The following PDE5A variants were observed in gnomAD, a reference collection of about 807,000 sequenced individuals.
PDE5A encodes phosphodiesterase 5A, also known as cGMP-specific 3',5'-cyclic phosphodiesterase.
In PDE5A, 67 loss-of-function variants were observed where a neutral mutation model predicts 110.2. The observed-to-expected ratio is 0.61, with a 90% CI of 0.50 to 0.75. The LOEUF (loss-of-function observed/expected upper bound fraction) is 0.75. Among genes scored for constraint, PDE5A ranks in the 30% least tolerant of loss-of-function variants. The pLI is 0.00. For missense variants in PDE5A, 862 were observed against 1,045.1 expected, an observed-to-expected ratio of 0.82 and a Z score of 2.42; for synonymous variants, 328 against 351.2, an observed-to-expected ratio of 0.93 and a Z score of 0.74.
chr4:119,605,154 T>A (rs1476691395), intron 2 of PDE5A, among the ~76,000 whole-genome samples: 1 of 152,184 alleles, frequency 6.6e-6, no homozygotes, highest in Non-Finnish European at 1.5e-5. Flanking sequence ...TTCCTCAGCC[T>A]GGCATTCAAG....
At position 119,565,290 on chromosome 4, in the gene PDE5A, T is replaced by C. The variant is rs28626938; in HGVS notation, c.993+31A>G. The C allele has an allele frequency of 4.6e-3, 6,512 of 1,425,470 alleles. 225 individuals are homozygous for C. The African/African-American group carries it at 0.079, about 17-fold the overall frequency. 88.3% of individuals were successfully genotyped at this position (1,425,470 alleles called of 1,614,324 possible). On this transcript the variant is annotated intron_variant, in intron 5 of 20. Coordinates refer to ENST00000354960, the MANE Select transcript of PDE5A (RefSeq NM_001083.4). The stretch of plus-strand genomic sequence containing the variant: ...AATGTAACAATTTTTAAAAAGTATT[T>C]CTATGCACTTTCTTTAGTAATCAGA...
chr4:119,612,917 C>G (rs997207221), intron 1 of PDE5A, among the ~76,000 whole-genome samples: 2 of 152,218 alleles, frequency 1.3e-5, no homozygotes. Context: ...CACAAAGCCA[C>G]TGACAATTAA....
intron 9 of PDE5A, chr4:119,543,071 C>CACAT (rs1258015667): frequency 1.1e-4 from 17 of 156,498 alleles, no homozygotes; most frequent in African/African-American, 3.7e-4. Flanking sequence ...CACACACACA[C>CACAT]ACACACACAC....
At chr4:119,623,615 A>C (rs1730238454) in intron 1 of PDE5A, among the ~76,000 whole-genome samples, 1 of 152,248 alleles carries the variant, frequency 6.6e-6, no homozygotes, top group Non-Finnish European at 1.5e-5. Context: ...AATATTTCAA[A>C]AGAAATAATA....
chr4:119,527,937 C>T (rs1726385988), intron 11 of PDE5A, among the ~76,000 whole-genome samples: 1 of 151,922 alleles, frequency 6.6e-6, no homozygotes, highest in African/African-American at 2.4e-5. Flanking sequence ...TATGAGAGCA[C>T]AATGTCTCTG....
At chr4:119,593,756 T>C (rs922760908) in intron 3 of PDE5A, among the ~76,000 whole-genome samples, 8 of 152,242 alleles carry the variant, frequency 5.3e-5, no homozygotes, top group Non-Finnish European at 1.0e-4. Flanking sequence ...GTTCTCACAC[T>C]GTTCTGAAGA....
chr4:119,592,009 G>A (rs189485573), intron 3 of PDE5A, among the ~76,000 whole-genome samples: 161 of 151,520 alleles, frequency 1.1e-3, no homozygotes, highest in Middle Eastern at 6.9e-3. Context: ...AATTAGCTGG[G>A]TGTGGTGGCG....
intron 3 of PDE5A, among the ~76,000 whole-genome samples, chr4:119,568,227 T>C (rs185425551): frequency 1.4e-4 from 22 of 152,222 alleles, no homozygotes; most frequent in Admixed American, 1.4e-3. Flanking sequence ...TTCATTTCCC[T>C]TAGAGCAACT....
chr4:119,596,805 C>G (rs1484749664), intron 2 of PDE5A, among the ~76,000 whole-genome samples, 193 bp from the exon 3 acceptor site: 2 of 151,942 alleles, frequency 1.3e-5, no homozygotes, highest in African/African-American at 4.8e-5. Flanking sequence ...AGTTGCTGAG[C>G]TTTTTTATAA....
At chr4:119,552,763 T>C (rs995119573) in intron 8 of PDE5A, 126 bp from the exon 9 acceptor site, 2 of 468,940 alleles carry the variant, frequency 4.3e-6, no homozygotes. Flanking sequence ...TTAGAGAGCA[T>C]TGGAAAGCAG....
Position 119,538,993 on chromosome 4 carries a change from T to A in PDE5A, c.1599A>T (p.Ala533=). 6.2e-7 allele frequency: 1 copy of A among 1,612,960 alleles called. No homozygotes were observed. Among genetic ancestry groups the A allele is most frequent in the Non-Finnish European group, 8.5e-7 (1 of 1,179,118 alleles). The change falls in exon 11 of 21, where the codon GCA becomes GCT. Residue 533 remains alanine (A), a synonymous_variant. Coordinates refer to ENST00000354960, the MANE Select transcript of PDE5A (RefSeq NM_001083.4). ...ACTGTAGCTCTCTTGTTTCTTCCTC[T>A]GCTGCTGAAGCATGATACGACAGAA... The part of the protein sequence containing the change: ...LEVLSYHASA[A]EEETRELQSL...
chr4:119,576,385 C>T (rs1223759479), intron 3 of PDE5A, among the ~76,000 whole-genome samples: 3 of 152,124 alleles, frequency 2.0e-5, no homozygotes, highest in Admixed American at 6.6e-5. Flanking sequence ...AGAATATACA[C>T]TCTTCAGAGC....
At chr4:119,529,397 G>A (rs1245619478) in intron 11 of PDE5A, among the ~76,000 whole-genome samples, 1 of 152,114 alleles carries the variant, frequency 6.6e-6, no homozygotes, top group Non-Finnish European at 1.5e-5. Flanking sequence ...TTCCGAAGAG[G>A]CTAGACAGCT....
At chr4:119,520,810 T>A in intron 13 of PDE5A, 125 bp downstream of exon 13, 1 of 777,322 alleles carries the variant, frequency 1.3e-6, no homozygotes, top group Non-Finnish European at 2.0e-6. Context: ...TAACTTATTA[T>A]GTAAGTGGCA....
chr4:119,592,182 G>A (rs1428067480), intron 3 of PDE5A, among the ~76,000 whole-genome samples: 32 of 145,004 alleles, frequency 2.2e-4, no homozygotes, highest in Admixed American at 1.5e-3. Flanking sequence ...AAAGCCGGGC[G>A]TGGTGGCTCA....
At chr4:119,553,835 C>G in intron 7 of PDE5A, 89 bp from the exon 8 acceptor site, 1 of 698,960 alleles carries the variant, frequency 1.4e-6, no homozygotes, top group African/African-American at 1.8e-5. Context: ...GAGAAAAATA[C>G]CAGCCTTAAA....
intron 2 of PDE5A, among the ~76,000 whole-genome samples, chr4:119,599,712 T>TACACACACACACAC (rs3056797): frequency 5.4e-5 from 8 of 147,238 alleles, no homozygotes; most frequent in South Asian, 2.2e-4. Flanking sequence ...CAAGTGTGTA[T>TACACACACACACAC]ACACACACAC....
rs1460233144 is a variant in PDE5A, at chr4:119,628,441, G to C, written c.152+79C>G. 4.9e-6 allele frequency: 6 copies of C among 1,226,020 alleles called. No homozygotes were observed. The African/African-American group carries it at 9.1e-5, about 19-fold the overall frequency. 75.9% of individuals were successfully genotyped at this position (1,226,020 alleles called of 1,614,324 possible). A position where few individuals can be genotyped will look rare whatever the true frequency, so the allele number is the denominator to read the frequency against. On this transcript the variant is annotated intron_variant, in intron 1 of 20. Transcript: ENST00000354960. ...GACCTACTTCAAAAGCAAAGGGCCT[G>C]GGAACAGGGGTGAACGAAGGGCACA...
chr4:119,628,105 G>A, intron 1 of PDE5A: 2 of 885,802 alleles, frequency 2.3e-6, no homozygotes, highest in Non-Finnish European at 2.7e-6. Flanking sequence ...GAGGAGCGGA[G>A]CCATCAAGAC....
Sources: allele counts gnomAD v4.1 joint callset (sites outside exome capture counted in the v4.1 genomes callset), GRCh38; gene constraint gnomAD v4.1.1; transcripts MANE v1.5; gene names NCBI Gene and HGNC (gene_info 2026-07-23, HGNC 2026-07-21).